Variants in PCDHGA1 observed in about 807,000 individuals in gnomAD.
PCDHGA1 encodes protocadherin gamma-A1.
Under a neutral mutation model 58.0 loss-of-function variants are expected in PCDHGA1, and 32 were observed. That is an observed-to-expected ratio of 0.55 (90% CI 0.42 to 0.74). The LOEUF (loss-of-function observed/expected upper bound fraction) is 0.74. PCDHGA1 is among the 30% of genes least tolerant of loss of function. The pLI, the probability that PCDHGA1 is intolerant of heterozygous loss-of-function variation, is 0.00. For missense variants in PCDHGA1, 1,205 were observed against 1,182.3 expected (o/e 1.02, Z -0.28); for synonymous variants, 498 against 501.1 (o/e 0.99, Z 0.08).
chr5:141,368,738 T>C (rs1765827901), intron 1 of PCDHGA1, among the ~76,000 whole-genome samples: 1 of 152,208 alleles, frequency 6.6e-6, no homozygotes, highest in Non-Finnish European at 1.5e-5. Flanking sequence ...GTATATACCA[T>C]ATACTTTTAA....
At chr5:141,358,810 C>T (rs1265503532) in intron 1 of PCDHGA1, among the ~76,000 whole-genome samples, 3 of 152,162 alleles carry the variant, frequency 2.0e-5, no homozygotes, top group African/African-American at 2.4e-5. Flanking sequence ...ATATGATTTA[C>T]GCTGCTTAGT....
chr5:141,511,293 G>A lies in PCDHGA1; in HGVS notation c.*120G>A, dbSNP rs1028501355. On this transcript the variant is annotated 3_prime_UTR_variant, in exon 4 of 4. Coordinates refer to ENST00000517417, the MANE Select transcript of PCDHGA1 (RefSeq NM_018912.3). ...CCCCAGAATACTGGTAGGGGCCAAG[G>A]CCATGCTCCCCTTGGGAAACAGAAA... The A allele has an allele frequency of 3.3e-6, 5 of 1,509,316 alleles. No individual in the cohort carries two copies. In the African/African-American group the frequency reaches 5.6e-5, roughly 17 times the overall value. The allele number at this position is 1,509,316 out of a possible 1,614,324, so 93.5% of individuals were successfully genotyped here.
At chr5:141,374,990 A>G in intron 1 of PCDHGA1, 3 of 1,614,046 alleles carry the variant, frequency 1.9e-6, no homozygotes, top group Non-Finnish European at 2.5e-6. Context: ...AGAAATTTCA[A>G]CTTCTGCAAA....
At chr5:141,423,800 T>A in intron 1 of PCDHGA1, 2 of 895,132 alleles carry the variant, frequency 2.2e-6, no homozygotes, top group Non-Finnish European at 2.9e-6. Flanking sequence ...TTTAGAGCAA[T>A]ACATGTGAGT....
rs376978832 is a variant in PCDHGA1, at chr5:141,395,250, C to T, written c.2421+62145C>T. On this transcript the variant is annotated intron_variant, in intron 1 of 3. Transcript: ENST00000517417. ...TGATCATGGTCAGGTGAGTTTAGTT[C>T]TTTGCTTGCTTTTAATTTCCAGATG... 1.1e-5 allele frequency: 17 copies of T among 1,558,200 alleles called. No individual in the cohort carries two copies. In the African/African-American group the frequency reaches 2.3e-4, roughly 21 times the overall value.
At chr5:141,369,342 T>C (rs922060609) in intron 1 of PCDHGA1, among the ~76,000 whole-genome samples, 8 of 152,174 alleles carry the variant, frequency 5.3e-5, no homozygotes, top group African/African-American at 1.9e-4. Context: ...TTCAGGACAA[T>C]TGTGATGTAG....
Position 141,489,752 on chromosome 5 carries a change from C to G in PCDHGA1, c.2422-5055C>G. ...GGCACCAATACTGTGAGCTTTTACA[C>G]TCTAAGCCCCAACAGCCACTTCTCT... On this transcript the variant is annotated intron_variant, in intron 1 of 3. Coordinates refer to ENST00000517417, the MANE Select transcript of PCDHGA1 (RefSeq NM_018912.3). This position sits in a 1 kb window ranked among gnomAD's most constrained non-coding sequence, Gnocchi z 4.5. The G allele has an allele frequency of 6.2e-7, 1 of 1,614,136 alleles. No individual in the cohort carries two copies. The highest frequency in any genetic ancestry group is 8.5e-7 in the Non-Finnish European group (1 of 1,179,972).
intron 3 of PCDHGA1, among the ~76,000 whole-genome samples, chr5:141,509,050 C>T (rs867585045): frequency 1.6e-4 from 25 of 152,304 alleles, no homozygotes; most frequent in Admixed American, 5.2e-4. Flanking sequence ...CCCCCGCCCC[C>T]AGAAAGCTCT....
intron 1 of PCDHGA1, chr5:141,355,506 TG>T: frequency 6.2e-7 from 1 of 1,614,028 alleles, no homozygotes; most frequent in Non-Finnish European, 8.5e-7. Context: ...CTCCAAACTG[TG>T]TGACAAACCT....
At chr5:141,346,798 A>G (rs1182626077) in intron 1 of PCDHGA1, among the ~76,000 whole-genome samples, 1 of 152,192 alleles carries the variant, frequency 6.6e-6, no homozygotes, top group African/African-American at 2.4e-5. Context: ...GATGAGAGAA[A>G]CACAACACTG....
At chr5:141,467,604 CT>C (rs2099147202) in intron 1 of PCDHGA1, among the ~76,000 whole-genome samples, 1 of 152,204 alleles carries the variant, frequency 6.6e-6, no homozygotes, top group Non-Finnish European at 1.5e-5. Context: ...AGCACTTCAT[CT>C]TTGTCCCAGT....
rs115965295 is a variant in PCDHGA1, at chr5:141,331,518, G to A, written c.834G>A (p.Thr278=). 95 of 1,614,094 alleles carry A rather than the reference G, an allele frequency of 5.9e-5. No homozygotes were observed. The African/African-American group carries it at 7.7e-4, about 13-fold the overall frequency. Residue 278 remains threonine, a synonymous_variant, in exon 1 of 4, where the codon ACG becomes ACA. Transcript: ENST00000517417. ...ATGAGGGAGCCAATGGGGAAGTAAC[G>A]TACTCCTTTCACAATGTAGACCACA... The part of the protein sequence containing the change: ...DPDEGANGEV[T]YSFHNVDHRV...
chr5:141,364,178 C>G (rs946798028), intron 1 of PCDHGA1: 1 of 887,846 alleles, frequency 1.1e-6, no homozygotes, highest in Admixed American at 3.6e-5. Flanking sequence ...ACTCTGCTCC[C>G]TCCATACTAA....
chr5:141,413,639 GT>G, intron 1 of PCDHGA1: 1 of 1,613,854 alleles, frequency 6.2e-7, no homozygotes, highest in South Asian at 1.1e-5. Context: ...GCGGGAATGC[GT>G]TTTCCTCTCC....
At position 141,389,227 on chromosome 5, in the gene PCDHGA1, C is replaced by T. The variant is rs1412412051; in HGVS notation, c.2421+56122C>T. On this transcript the variant is annotated intron_variant, in intron 1 of 3. Transcript: ENST00000517417. ...ATTGGTGATGTAAATGACAACGCTC[C>T]GGTTTTCTCACAGTCTTCCTATATA... 35 of 1,614,024 alleles carry T rather than the reference C, an allele frequency of 2.2e-5. No homozygotes were observed. Among genetic ancestry groups the T allele is most frequent in the Non-Finnish European group, 2.8e-5 (33 of 1,179,882 alleles).
rs2099388776 is a variant in PCDHGA1, at chr5:141,476,308, C to T, written c.2422-18499C>T. On this transcript the variant is annotated intron_variant, in intron 1 of 3. Coordinates refer to ENST00000517417, the MANE Select transcript of PCDHGA1 (RefSeq NM_018912.3). The surrounding 1 kb of genome is among the most constrained non-coding windows in gnomAD (Gnocchi z 7.6). ...TGGATCTCGGTAGCCTCTCAGCCCG[C>T]AGGTTCCGGGTGGTGTCTGGAGCTA... The T allele has an allele frequency of 1.2e-6, 2 of 1,613,750 alleles. No individual in the cohort carries two copies. The highest frequency in any genetic ancestry group is 2.7e-5 in the African/African-American group (2 of 74,806).
chr5:141,406,662 AT>A (rs2094837131), intron 1 of PCDHGA1, among the ~76,000 whole-genome samples: 1 of 152,208 alleles, frequency 6.6e-6, no homozygotes, highest in African/African-American at 2.4e-5. Flanking sequence ...TTAATGTTAA[AT>A]TATGGAGAAT....
chr5:141,383,869 G>C (rs1311272718), intron 1 of PCDHGA1: 1 of 1,613,980 alleles, frequency 6.2e-7, no homozygotes, highest in Non-Finnish European at 8.5e-7. Context: ...GGCTCAAGAT[G>C]GTCCTGGTAG....
At chr5:141,509,887 T>C (rs138950510) in intron 3 of PCDHGA1, among the ~76,000 whole-genome samples, 1 of 152,314 alleles carries the variant, frequency 6.6e-6, no homozygotes, top group East Asian at 1.9e-4. Flanking sequence ...TGATGGTGAC[T>C]GACTGTCCCT....
Sources: gnomAD v4.1 joint callset for allele counts (sites outside exome capture counted in the v4.1 genomes callset) on GRCh38, gnomAD v4.1.1 for gene constraint, Gnocchi (gnomAD v3.1) non-coding constraint, MANE v1.5 for transcripts, NCBI Gene and HGNC (gene_info 2026-07-23, HGNC 2026-07-21) for gene names.